Variants in SH3D19 observed in about 807,000 individuals in gnomAD.
The protein encoded by SH3D19 is SH3 domain containing 19, also known as SH3 domain-containing protein 19.
A neutral mutation model predicts 112.1 loss-of-function variants in SH3D19; 58 were observed. The ratio of observed to expected loss-of-function variants is 0.52; its 90% CI spans 0.42 to 0.64. The LOEUF is 0.64. Ranked by LOEUF, SH3D19 falls within the 30% of genes least tolerant of loss-of-function variation. The pLI is 0.00. For synonymous variants in SH3D19, 391 were observed against 448.5 expected (o/e 0.87, Z 1.62); for missense variants, 1,090 against 1,263.4 (o/e 0.86, Z 2.08).
At chr4:151,303,142 G>A (rs1728617624) in intron 1 of SH3D19, among the ~76,000 whole-genome samples, 1 of 152,204 alleles carries the variant, frequency 6.6e-6, no homozygotes, top group Non-Finnish European at 1.5e-5. Context: ...GATAGGTTTT[G>A]ATTATGTTAA....
intron 1 of SH3D19, among the ~76,000 whole-genome samples, chr4:151,271,734 G>T (rs141483154): frequency 3.6e-3 from 550 of 152,142 alleles, no homozygotes; most frequent in African/African-American, 0.013. Context: ...TGAGAAATGA[G>T]TTCAATAACA....
intron 1 of SH3D19, among the ~76,000 whole-genome samples, chr4:151,244,413 CAACG>C (rs1411401536): frequency 1.3e-5 from 2 of 152,170 alleles, no homozygotes; most frequent in African/African-American, 2.4e-5. Context: ...AGAGAATCTG[CAACG>C]AAGTCGGGAA....
intron 1 of SH3D19, among the ~76,000 whole-genome samples, chr4:151,256,497 A>G (rs1024149974): frequency 6.6e-6 from 1 of 152,230 alleles, no homozygotes; most frequent in Non-Finnish European, 1.5e-5. Context: ...AAATGCCTTA[A>G]TCATGATTCA....
intron 1 of SH3D19, among the ~76,000 whole-genome samples, chr4:151,265,511 A>G (rs1772708722): frequency 6.6e-6 from 1 of 151,678 alleles, no homozygotes; most frequent in African/African-American, 2.4e-5. Flanking sequence ...AGCTCAAGGC[A>G]TAAGTTTGCT....
At chr4:151,198,129 C>T (rs1262694168) in intron 2 of SH3D19, among the ~76,000 whole-genome samples, 2 of 150,682 alleles carry the variant, frequency 1.3e-5, no homozygotes, top group Admixed American at 1.3e-4. Context: ...CATGGTGAAA[C>T]CTCATCTCTA....
intron 4 of SH3D19, among the ~76,000 whole-genome samples, chr4:151,178,229 T>C (rs1760261542): frequency 6.6e-6 from 1 of 152,214 alleles, no homozygotes; most frequent in South Asian, 2.1e-4. Context: ...TAAACCTGAT[T>C]TCCTAACAAA....
At chr4:151,127,493 A>G in intron 19 of SH3D19, 125 bp downstream of exon 19, 1 of 549,570 alleles carries the variant, frequency 1.8e-6, no homozygotes, top group Non-Finnish European at 3.1e-6. Context: ...CCCTAGAATC[A>G]GGGCCTGAGA....
chr4:151,240,625 C>A (rs1770479320), intron 1 of SH3D19, among the ~76,000 whole-genome samples: 3 of 152,020 alleles, frequency 2.0e-5, no homozygotes, highest in Admixed American at 6.5e-5. Flanking sequence ...ATGAAAAAGA[C>A]AGATTAATAT....
At chr4:151,126,635 A>G (rs1404253827) in intron 19 of SH3D19, among the ~76,000 whole-genome samples, 2 of 151,448 alleles carry the variant, frequency 1.3e-5, no homozygotes, top group African/African-American at 2.4e-5. Context: ...CTCTACTAAA[A>G]AAAATACAAA....
At chr4:151,246,654 T>C (rs1005326797) in intron 1 of SH3D19, among the ~76,000 whole-genome samples, 13 of 152,364 alleles carry the variant, frequency 8.5e-5, no homozygotes, top group African/African-American at 3.1e-4. Context: ...TATACAGTTA[T>C]GATCATATTC....
At chr4:151,198,228 C>G (rs1277724902) in intron 2 of SH3D19, among the ~76,000 whole-genome samples, 1 of 149,934 alleles carries the variant, frequency 6.7e-6, no homozygotes, top group East Asian at 1.9e-4. Context: ...TCACTTGAAC[C>G]CGAGAGGTGG....
chr4:151,167,445 A>C (rs1758236279), intron 7 of SH3D19, among the ~76,000 whole-genome samples: 1 of 151,972 alleles, frequency 6.6e-6, no homozygotes. Flanking sequence ...AATTTGGTAT[A>C]TCTGTCCATG....
At chr4:151,221,959 G>T (rs1057176790) in intron 2 of SH3D19, among the ~76,000 whole-genome samples, 57 of 152,170 alleles carry the variant, frequency 3.7e-4, no homozygotes, top group Admixed American at 3.7e-3. Flanking sequence ...CCAGAACAGA[G>T]ACTCACAAGA....
At chr4:151,212,576 T>C (rs1766142899) in intron 2 of SH3D19, among the ~76,000 whole-genome samples, 1 of 152,230 alleles carries the variant, frequency 6.6e-6, no homozygotes, top group Admixed American at 6.5e-5. Context: ...TTAAGCCCAC[T>C]CTTGAGACCT....
intron 3 of SH3D19, among the ~76,000 whole-genome samples, chr4:151,186,935 C>T (rs1193734958): frequency 1.3e-5 from 2 of 151,764 alleles, no homozygotes; most frequent in African/African-American, 4.8e-5. Context: ...GCTGGGACTA[C>T]AGGTGCCTGC....
chr4:151,278,532 A>G (rs1006122669), intron 1 of SH3D19, among the ~76,000 whole-genome samples: 1 of 152,122 alleles, frequency 6.6e-6, no homozygotes, highest in South Asian at 2.1e-4. Flanking sequence ...CCTGTCTCCA[A>G]CATTCCTTTT....
chr4:151,228,935 G>C (rs1380560250), intron 1 of SH3D19, among the ~76,000 whole-genome samples: 2 of 151,392 alleles, frequency 1.3e-5, no homozygotes, highest in Non-Finnish European at 2.9e-5. Flanking sequence ...GCTCACTGCA[G>C]CCTTGAGCTC....
At chr4:151,302,827 T>C (rs1219171540) in intron 1 of SH3D19, among the ~76,000 whole-genome samples, 3 of 151,368 alleles carry the variant, frequency 2.0e-5, no homozygotes, top group Non-Finnish European at 2.9e-5. Context: ...ATGAGAACAC[T>C]TGGACACAGG....
intron 2 of SH3D19, among the ~76,000 whole-genome samples, chr4:151,221,516 G>A (rs2407410): frequency 0.73 from 111,340 of 151,960 alleles, 43,918 homozygotes; most frequent in Non-Finnish European, 0.89. Context: ...TTTCTTATAG[G>A]GCATCACTCC....
Sources: allele counts gnomAD v4.1 joint callset (sites outside exome capture counted in the v4.1 genomes callset), GRCh38; gene constraint gnomAD v4.1.1; transcripts MANE v1.5; gene names NCBI Gene and HGNC (gene_info 2026-07-23, HGNC 2026-07-21).